Variants in FANCA observed in about 807,000 individuals in gnomAD.
FANCA encodes the protein FA complementation group A.
Under a neutral mutation model 194.3 loss-of-function variants are expected in FANCA, and 236 were observed. The ratio of observed to expected loss-of-function variants is 1.21; its 90% CI spans 1.09 to 1.35. The LOEUF (loss-of-function observed/expected upper bound fraction) is 1.35. Ranked by LOEUF, FANCA falls within the 40% of genes most tolerant of loss-of-function variation. FANCA has a pLI of 0.00. For synonymous variants in FANCA, 1,014 were observed against 715.8 expected, an observed-to-expected ratio of 1.42 and a Z score of -6.65; for missense variants, 2,628 against 1,813.9, an observed-to-expected ratio of 1.45 and a Z score of -8.15.
At chr16:89,778,772 G>A (rs757066075) in intron 20 of FANCA, 29 bp downstream of exon 20, 1 of 1,604,122 alleles carries the variant, frequency 6.2e-7, no homozygotes, top group Middle Eastern at 1.7e-4. Flanking sequence ...CCTGGAAGTA[G>A]TCATCCCCTT....
chr16:89,813,841 C>T (rs17225775), intron 3 of FANCA, among the ~76,000 whole-genome samples: 19,479 of 144,820 alleles, frequency 0.13, 1,569 homozygotes, highest in Middle Eastern at 0.34. Flanking sequence ...TGTCCGTGTG[C>T]ACGTGCGTGC....
In FANCA at chr16:89,739,423, G is replaced by T. The variant is rs2062064933; in HGVS notation, c.4010+55C>A. 9.6e-6 allele frequency: 15 copies of T among 1,554,772 alleles called. 1 individual carries two copies. The South Asian group carries it at 1.8e-4, about 18-fold the overall frequency. Reference sequence around the variant, plus strand: ...ATCTGGCGGGACCCAGAGGTGCTGAGATGGGGGTCTGGGAAACACTGCCCA... The same window carrying T: ...ATCTGGCGGGACCCAGAGGTGCTGATATGGGGGTCTGGGAAACACTGCCCA... On this transcript the variant is annotated intron_variant, in intron 40 of 42. Transcript: ENST00000389301.
chr16:89,754,064 A>T (rs1472654005), intron 30 of FANCA, among the ~76,000 whole-genome samples: 2 of 151,990 alleles, frequency 1.3e-5, no homozygotes, highest in African/African-American at 2.4e-5. Flanking sequence ...AAAAACAAAC[A>T]AACAAAAATT....
In FANCA at chr16:89,771,652, G is replaced by A. The variant is rs763629751; in HGVS notation, c.2151+26C>T. 9 of 1,613,524 alleles carry A rather than the reference G, an allele frequency of 5.6e-6. No individual in the cohort carries two copies. In the East Asian group the frequency reaches 1.8e-4, roughly 32 times the overall value. The stretch of plus-strand genomic sequence containing the variant: ...TAATGGAAAATGGTGAAGACCCCCT[G>A]CTTTGTTCTGAGCCCCTACACCTAC... On this transcript the variant is annotated intron_variant, in intron 23 of 42. Transcript: ENST00000389301.
chr16:89,771,925 C>T (rs2143353037), intron 22 of FANCA, 111 bp from the exon 23 acceptor site: 2 of 1,255,512 alleles, frequency 1.6e-6, no homozygotes, highest in Non-Finnish European at 2.3e-6. Flanking sequence ...ATCCTGCTGA[C>T]TGCACACATC....
At chr16:89,798,063 C>G (rs1314049128) in intron 10 of FANCA, among the ~76,000 whole-genome samples, 1 of 152,126 alleles carries the variant, frequency 6.6e-6, no homozygotes, top group African/African-American at 2.4e-5. Flanking sequence ...CAAAGTTCCT[C>G]TGTTGAAGCC....
At chr16:89,747,038 G>A (rs1305646825) in intron 33 of FANCA, 148 bp from the exon 34 acceptor site, 15 of 788,664 alleles carry the variant, frequency 1.9e-5, no homozygotes, top group Non-Finnish European at 3.2e-5. Context: ...GGGCTGACCG[G>A]GCCTGGCGCC....
intron 20 of FANCA, 62 bp from the exon 21 acceptor site, chr16:89,775,877 AT>A: frequency 1.0e-6 from 1 of 996,418 alleles, no homozygotes; most frequent in Non-Finnish European, 1.6e-6. Context: ...CAAGATTACA[AT>A]CCCCAAATCT....
At chr16:89,786,636 T>C (rs945041630) in intron 14 of FANCA, among the ~76,000 whole-genome samples, 5 of 151,712 alleles carry the variant, frequency 3.3e-5, no homozygotes, top group African/African-American at 1.2e-4. Context: ...TTCTTTTGAA[T>C]GTTATCATCA....
At chr16:89,771,624 G>A in intron 23 of FANCA, 54 bp downstream of exon 23, 1 of 1,601,398 alleles carries the variant, frequency 6.2e-7, no homozygotes, top group Non-Finnish European at 8.6e-7. Flanking sequence ...TAATGCCTCT[G>A]CCTAATGGAA....
intron 33 of FANCA, among the ~76,000 whole-genome samples, chr16:89,747,723 TAAATAA>T (rs958411775): frequency 6.6e-6 from 1 of 151,770 alleles, no homozygotes; most frequent in Non-Finnish European, 1.5e-5. Context: ...AATAAATAAA[TAAATAA>T]AAATATAAAA....
chr16:89,779,012 C>T lies in FANCA; in HGVS notation c.1716-9G>A, dbSNP rs1477672226. 1.2e-6 allele frequency: 2 copies of T among 1,612,796 alleles called. No individual in the cohort carries two copies. Among genetic ancestry groups the T allele is most frequent in the Admixed American group, 3.3e-5 (2 of 60,000 alleles). On this transcript the variant is annotated splice_polypyrimidine_tract_variant and intron_variant, in intron 18 of 42. Transcript: ENST00000389301. ...AAGGCCTCCTGAATATGCTGCAACA[C>T]AGAGAAGCAGACAGTGCATCAGTCA...
chr16:89,803,120 T>C (rs112261435), intron 8 of FANCA, 139 bp downstream of exon 8: 35 of 829,464 alleles, frequency 4.2e-5, no homozygotes, highest in African/African-American at 2.3e-4. Context: ...TTACACTCTA[T>C]GCACAAAACA....
rs1305209243 is a variant in FANCA, at chr16:89,815,944, T to G, written c.122A>C (p.Gln41Pro). Residue 41 changes from glutamine to proline, a missense_variant, in exon 2 of 43, where the codon CAG becomes CCG. Gln to Pro is a moderately conservative substitution (Grantham distance 76). Transcript: ENST00000389301. ...GCGCACAGCTGATTCCTTTAATTTCTGTGCCCTTTCAGGATTATATTTTTC... is the reference window on the plus strand; with the variant it reads ...GCGCACAGCTGATTCCTTTAATTTCGGTGCCCTTTCAGGATTATATTTTTC... ...KREKYNPERA[Q>P]KLKESAVRLL... 2 of 1,614,052 alleles carry G rather than the reference T, an allele frequency of 1.2e-6. No individual in the cohort carries two copies. The highest frequency in any genetic ancestry group is 1.7e-6 in the Non-Finnish European group (2 of 1,179,982).
In FANCA at chr16:89,771,767, G is replaced by C; in HGVS notation, c.2062C>G (p.Leu688Val). The change falls in exon 23 of 43, where the codon CTG becomes GTG. Residue 688 changes from leucine to valine, a missense_variant. Physicochemically the swap from Leu to Val is conservative, Grantham distance 32. Coordinates refer to ENST00000389301, the MANE Select transcript of FANCA (RefSeq NM_000135.4). ...AVISERLRAVLGHNEDDSSVE... is the reference protein window; with the variant it reads ...AVISERLRAVVGHNEDDSSVE... ...CTGCTGTCATCCTCATTGTGGCCCA[G>C]GACAGCCCTCAGTCTTTCAGAAATC... 1.9e-6 allele frequency: 3 copies of C among 1,614,056 alleles called. No individual in the cohort carries two copies. Among genetic ancestry groups the C allele is most frequent in the South Asian group, 1.1e-5 (1 of 91,068 alleles).
Position 89,789,177 on chromosome 16 carries a change from G to A in FANCA, c.1359+2226C>T, listed in dbSNP as rs74773280. On this transcript the variant is annotated intron_variant, in intron 14 of 42. Transcript: ENST00000389301. ...AACTGGGCAGAGCTGGGGAGAGCCTGAGGGCAGGTGAGAAGGAACTTTAAG... is the reference window on the plus strand; with the variant it reads ...AACTGGGCAGAGCTGGGGAGAGCCTAAGGGCAGGTGAGAAGGAACTTTAAG... Among the ~76,000 whole-genome samples the A allele has an allele frequency of 5.8e-3, 882 of 152,066 alleles. 8 individuals carry two copies. The highest frequency in any genetic ancestry group is 0.02 in the African/African-American group (828 of 41,478).
chr16:89,808,184 TTA>T (rs1044184761), intron 6 of FANCA, 108 bp downstream of exon 6: 7 of 1,006,024 alleles, frequency 7.0e-6, no homozygotes, highest in Non-Finnish European at 1.1e-5. Flanking sequence ...CTAGTACAAA[TTA>T]TATGTCAAAG....
intron 28 of FANCA, 94 bp from the exon 29 acceptor site, chr16:89,762,116 C>A (rs2038972712): frequency 3.8e-5 from 36 of 940,044 alleles, no homozygotes; most frequent in South Asian, 3.0e-4. Context: ...ATCTCATACG[C>A]AGTCCTCCAT....
In FANCA at chr16:89,771,576, G is replaced by A. The variant is rs149955313; in HGVS notation, c.2151+102C>T. The A allele has an allele frequency of 3.0e-5, 41 of 1,375,690 alleles. No homozygotes were observed. The African/African-American group carries it at 4.4e-4, about 15-fold the overall frequency. 85.2% of individuals were successfully genotyped at this position (1,375,690 alleles called of 1,614,324 possible). ...GAACATCTGATACGACACTAACTGA[G>A]CAAGTCAAACAGAAATTGAGAGAAG... is the stretch of plus-strand genomic sequence containing the variant. On this transcript the variant is annotated intron_variant, in intron 23 of 42. Transcript: ENST00000389301.
Sources: allele counts gnomAD v4.1 joint callset (sites outside exome capture counted in the v4.1 genomes callset), GRCh38; gene constraint gnomAD v4.1.1; transcripts MANE v1.5; gene names NCBI Gene and HGNC (gene_info 2026-07-23, HGNC 2026-07-21).